POLA1: variants seen among roughly 807,000 people sequenced by gnomAD.
POLA1 encodes DNA polymerase alpha 1, catalytic subunit.
In POLA1, 15 loss-of-function variants were observed where a neutral mutation model predicts 124.0. The observed-to-expected ratio is 0.12, with a 90% confidence interval of 0.08 to 0.19. The LOEUF (loss-of-function observed/expected upper bound fraction) is 0.19, where lower values mean the gene tolerates loss of function less well. Among genes scored for constraint, POLA1 ranks in the 10% least tolerant of loss-of-function variants. The pLI is 1.00. For missense variants in POLA1, 886 were observed against 1,103.4 expected (o/e 0.80, Z 2.79); for synonymous variants, 408 against 389.4 (o/e 1.05, Z -0.56).
chrX:24,823,987 T>A (rs924480949), intron 31 of POLA1, among the ~76,000 whole-genome samples: 2 of 112,534 alleles, frequency 1.8e-5, no homozygotes, highest in African/African-American at 6.5e-5. Context: ...TATTTAACTT[T>A]CATTAGACAT....
Position 24,701,731 on chromosome X carries a change from C to T in POLA1, c.169-1520C>T, listed in dbSNP as rs112466098. On this transcript the variant is annotated intron_variant, in intron 2 of 36. Coordinates refer to ENST00000379068, the MANE Select transcript of POLA1 (RefSeq NM_001330360.2). ...GATTACAGGCGTGAGCCACCACACC[C>T]GGCTGAGGTAGAACTCTTGAGAGAA... Among the ~76,000 whole-genome samples, 856 of 95,738 alleles carry T rather than the reference C, an allele frequency of 8.9e-3. 6 individuals are homozygous for T. Among genetic ancestry groups the T allele is most frequent in the African/African-American group, 0.031 (788 of 25,566 alleles). 83.1% of individuals were successfully genotyped at this position (95,738 alleles called of 115,157 possible). A position where few individuals can be genotyped will look rare whatever the true frequency, so the allele number is the denominator to read the frequency against.
rs183862653 is a variant in POLA1, at chrX:24,929,501, C to T, written c.4165-952C>T. 3.1e-3 allele frequency among the ~76,000 whole-genome samples: 350 copies of T among 112,180 alleles called. 1 individual carries two copies. Among genetic ancestry groups the T allele is most frequent in the Non-Finnish European group, 5.3e-3 (281 of 53,237 alleles). On this transcript the variant is annotated intron_variant, in intron 35 of 36. Transcript: ENST00000379068. ...AAAAGTTCTGAGGGCTTAGTTGTTT[C>T]ACCTTGGTAGGACCCCTCAAAGAAA...
intron 31 of POLA1, among the ~76,000 whole-genome samples, chrX:24,825,896 C>G (rs1431800621): frequency 9.0e-6 from 1 of 111,701 alleles, no homozygotes; most frequent in African/African-American, 3.3e-5. Context: ...TTCATTTCCC[C>G]ACTCTTTTCC....
chrX:24,834,939 A>G (rs1031531324), intron 32 of POLA1, among the ~76,000 whole-genome samples: 5 of 111,022 alleles, frequency 4.5e-5, no homozygotes, highest in Non-Finnish European at 9.4e-5. Flanking sequence ...CACCTTCAGT[A>G]TTCTGCACTG....
chrX:24,886,833 G>A (rs916144791), intron 34 of POLA1, among the ~76,000 whole-genome samples: 1 of 111,965 alleles, frequency 8.9e-6, no homozygotes, highest in Non-Finnish European at 1.9e-5. Context: ...TGCATTCTTT[G>A]ACATACATTG....
intron 36 of POLA1, among the ~76,000 whole-genome samples, chrX:24,959,906 G>A (rs1258153880): frequency 9.0e-6 from 1 of 111,645 alleles, no homozygotes; most frequent in Non-Finnish European, 1.9e-5. Flanking sequence ...GGGCCGCACT[G>A]TGTCTAAGCA....
chrX:24,806,699 TAAC>T (rs1354432528), intron 26 of POLA1, among the ~76,000 whole-genome samples: 2 of 111,928 alleles, frequency 1.8e-5, no homozygotes, highest in African/African-American at 6.5e-5. Flanking sequence ...ATTTGAAACA[TAAC>T]AACCTTTGAC....
chrX:24,891,769 A>G (rs1449587379), intron 35 of POLA1, among the ~76,000 whole-genome samples: 1 of 112,088 alleles, frequency 8.9e-6, no homozygotes, highest in East Asian at 2.8e-4. Flanking sequence ...TATTTATAAA[A>G]CTATTTTAAC....
intron 33 of POLA1, among the ~76,000 whole-genome samples, chrX:24,843,256 C>A (rs2046432264): frequency 9.0e-6 from 1 of 111,690 alleles, no homozygotes; most frequent in Non-Finnish European, 1.9e-5. Flanking sequence ...CTGGTATTTA[C>A]AGAGGGAAAA....
At chrX:24,732,215 A>G (rs1356628254) in intron 15 of POLA1, among the ~76,000 whole-genome samples, 155 bp from the exon 16 acceptor site, 1 of 112,217 alleles carries the variant, frequency 8.9e-6, no homozygotes, top group Non-Finnish European at 1.9e-5. Flanking sequence ...TCAGCCTCTC[A>G]GAGTGCTGGA....
chrX:24,939,811 A>G (rs776964668), intron 36 of POLA1, among the ~76,000 whole-genome samples: 1 of 111,762 alleles, frequency 8.9e-6, no homozygotes, highest in East Asian at 2.8e-4. Flanking sequence ...TAAGAATAAT[A>G]TCTAAATGTT....
At chrX:24,698,657 G>GT (rs1249788156) in intron 1 of POLA1, among the ~76,000 whole-genome samples, 1 of 110,684 alleles carries the variant, frequency 9.0e-6, no homozygotes, top group Non-Finnish European at 1.9e-5. Flanking sequence ...TTTTGTTTTT[G>GT]TTTTTTGTTT....
At chrX:24,777,756 T>A (rs2045170701) in intron 26 of POLA1, among the ~76,000 whole-genome samples, 1 of 111,775 alleles carries the variant, frequency 8.9e-6, no homozygotes, top group Admixed American at 9.5e-5. Context: ...AGGGAGTTGT[T>A]TAATGGGTAC....
intron 34 of POLA1, among the ~76,000 whole-genome samples, chrX:24,872,664 A>G (rs1479776957): frequency 9.0e-6 from 1 of 111,726 alleles, no homozygotes; most frequent in African/African-American, 3.3e-5. Flanking sequence ...CAACTATAGA[A>G]AGCCCATAAA....
chrX:24,947,025 T>A (rs999269551), intron 36 of POLA1, among the ~76,000 whole-genome samples: 1 of 111,110 alleles, frequency 9.0e-6, no homozygotes, highest in East Asian at 2.8e-4. Context: ...TGGGCTGTGA[T>A]ATCATGTATC....
intron 36 of POLA1, among the ~76,000 whole-genome samples, chrX:24,937,869 AAAC>A (rs1262381301): frequency 1.8e-5 from 2 of 112,444 alleles, no homozygotes; most frequent in Admixed American, 9.4e-5. Flanking sequence ...TAAAACTTTA[AAAC>A]AACAACTATG....
At chrX:24,752,655 G>A (rs1220099216) in intron 26 of POLA1, among the ~76,000 whole-genome samples, 1 of 112,144 alleles carries the variant, frequency 8.9e-6, no homozygotes, top group Non-Finnish European at 1.9e-5. Flanking sequence ...ATTTTATTCT[G>A]TGAACAATAG....
Position 24,961,388 on chromosome X carries a change from G to T in POLA1, c.4261+30839G>T, listed in dbSNP as rs775006402. 5.4e-5 allele frequency among the ~76,000 whole-genome samples: 6 copies of T among 111,339 alleles called. No individual in the cohort carries two copies. The South Asian group carries it at 2.3e-3, about 42-fold the overall frequency. ...TGATGTGTTTATATTATTATTTCCAGGGTTATTTGTATTGTCAGATTTAAC... is the reference window on the plus strand; with the variant it reads ...TGATGTGTTTATATTATTATTTCCATGGTTATTTGTATTGTCAGATTTAAC... On this transcript the variant is annotated intron_variant, in intron 36 of 36. Transcript: ENST00000379068.
At chrX:24,925,895 A>C (rs2047683680) in intron 35 of POLA1, among the ~76,000 whole-genome samples, 1 of 111,274 alleles carries the variant, frequency 9.0e-6, no homozygotes, top group Non-Finnish European at 1.9e-5. Flanking sequence ...GACTCACAAC[A>C]ATGAGAAGAA....
Sources: gnomAD v4.1 joint callset for allele counts (sites outside exome capture counted in the v4.1 genomes callset) on GRCh38, gnomAD v4.1.1 for gene constraint, MANE v1.5 for transcripts, NCBI Gene and HGNC (gene_info 2026-07-23, HGNC 2026-07-21) for gene names.